PITPNM2: variants seen among roughly 807,000 people sequenced by gnomAD.
PITPNM2 encodes membrane-associated phosphatidylinositol transfer protein 2.
In PITPNM2, 35 loss-of-function variants were observed where a neutral mutation model predicts 132.2. The observed-to-expected ratio is 0.26, with a 90% CI of 0.20 to 0.35. The LOEUF (loss-of-function observed/expected upper bound fraction) is 0.35. Ranked by LOEUF, PITPNM2 falls within the 10% of genes least tolerant of loss-of-function variation. The pLI is 1.00. For synonymous variants in PITPNM2, 738 were observed against 799.2 expected, an observed-to-expected ratio of 0.92 and a Z score of 1.29; for missense variants, 1,332 against 1,912.0, an observed-to-expected ratio of 0.70 and a Z score of 5.66.
Position 122,986,298 on chromosome 12 carries a change from C to A in PITPNM2, c.3779G>T (p.Arg1260Leu). 6.3e-7 allele frequency: 1 copy of A among 1,582,514 alleles called. No homozygotes were observed. The highest frequency in any genetic ancestry group is 8.6e-7 in the Non-Finnish European group (1 of 1,167,758). ...GGCCGTGTTGCGAGCGGGCCGCGCC[C>A]GGTGGCTGTACTTCAGCTGCGCCAG... ...AHLAQLKYSH[R>L]ARPARNTATR... Residue 1260 changes from arginine (R) to leucine (L), a missense_variant, in exon 26 of 26, where the codon CGG becomes CTG. This residue lies in a region of PITPNM2 where 163 missense variants were observed against 177.2 expected (regional missense o/e 0.92). Transcript: ENST00000320201.
intron 2 of PITPNM2, among the ~76,000 whole-genome samples, chr12:123,104,535 C>T (rs2042647702): frequency 6.6e-6 from 1 of 152,160 alleles, no homozygotes. Context: ...GATGACATTA[C>T]CTTGTGAAAG....
At position 123,005,616 on chromosome 12, in the gene PITPNM2, A is replaced by G; in HGVS notation, c.644-68T>C. 6 of 1,496,196 alleles carry G rather than the reference A, an allele frequency of 4.0e-6. No individual in the cohort carries two copies. Among genetic ancestry groups the G allele is most frequent in the Non-Finnish European group, 5.4e-6 (6 of 1,102,370 alleles). 92.7% of individuals were successfully genotyped at this position (1,496,196 alleles called of 1,614,324 possible). ...AGGTCAGCGCAGGAGCCTGCACGGAAGTGTGGGGCCCAGGCAGGGGCTTTG... is the reference window on the plus strand; with the variant it reads ...AGGTCAGCGCAGGAGCCTGCACGGAGGTGTGGGGCCCAGGCAGGGGCTTTG... On this transcript the variant is annotated intron_variant, in intron 6 of 25. Transcript: ENST00000320201. The surrounding 1 kb of genome is among the most constrained non-coding windows in gnomAD (Gnocchi z 6.2).
chr12:123,040,230 T>C (rs530279458), intron 2 of PITPNM2, among the ~76,000 whole-genome samples: 7 of 152,230 alleles, frequency 4.6e-5, no homozygotes, highest in African/African-American at 1.7e-4. Context: ...GGGGCTGGGG[T>C]TGGAGGAAAT....
In PITPNM2 at chr12:123,119,921, T is replaced by C. The variant is rs916794009; in HGVS notation, c.-199-9433A>G. ...GTAGCAATTTTCTTAATGGGAAGCA[T>C]ACGCTTGCCACCCACGTGAGGAGGC... On this transcript the variant is annotated intron_variant, in intron 1 of 25. Transcript: ENST00000320201. 1.3e-5 allele frequency among the ~76,000 whole-genome samples: 2 copies of C among 152,072 alleles called. 1 individual carries two copies. Among genetic ancestry groups the C allele is most frequent in the Middle Eastern group, 6.8e-3 (2 of 294 alleles).
intron 1 of PITPNM2, among the ~76,000 whole-genome samples, chr12:123,133,922 T>C (rs1382590589): frequency 6.6e-6 from 1 of 152,204 alleles, no homozygotes; most frequent in Non-Finnish European, 1.5e-5. Flanking sequence ...CCTCAGGTGA[T>C]ACGCCCACCT....
rs1027293656 is a variant in PITPNM2 at position 123,008,487 on chromosome 12, A to G, written c.643+1363T>C. Among the ~76,000 whole-genome samples the G allele has an allele frequency of 6.6e-6, 1 of 152,152 alleles. No individual in the cohort carries two copies. Among genetic ancestry groups the G allele is most frequent in the African/African-American group, 2.4e-5 (1 of 41,442 alleles). Reference sequence around the variant, plus strand: ...CTGCCCACATGCTCCTCCACTCCTCATATTGCCTGGGAAGTGAGAACCACC... The same window carrying G: ...CTGCCCACATGCTCCTCCACTCCTCGTATTGCCTGGGAAGTGAGAACCACC... On this transcript the variant is annotated intron_variant, in intron 6 of 25. Transcript: ENST00000320201. The surrounding 1 kb of genome is among the most constrained non-coding windows in gnomAD (Gnocchi z 4.1).
rs536989465 is a variant in PITPNM2, at chr12:123,095,738, C to G, written c.-96+14647G>C. 6.6e-6 allele frequency among the ~76,000 whole-genome samples: 1 copy of G among 152,216 alleles called. No individual in the cohort carries two copies. The highest frequency in any genetic ancestry group is 6.5e-5 in the Admixed American group (1 of 15,288). On this transcript the variant is annotated intron_variant, in intron 2 of 25. Transcript: ENST00000320201. The surrounding 1 kb of genome is among the most constrained non-coding windows in gnomAD (Gnocchi z 5.0). ...GGAGCCCATGGGGCTCCTCCTGCCT[C>G]GGGGCCATTGTGAAGGCGGTTCCCT...
At position 122,993,819 on chromosome 12, in the gene PITPNM2, G is replaced by A. The variant is rs543431807; in HGVS notation, c.2233+982C>T. Among the ~76,000 whole-genome samples, 14 of 152,308 alleles carry A rather than the reference G, an allele frequency of 9.2e-5. No individual in the cohort carries two copies. Among genetic ancestry groups the A allele is most frequent in the African/African-American group, 2.4e-4 (10 of 41,568 alleles). On this transcript the variant is annotated intron_variant, in intron 15 of 25. Coordinates refer to ENST00000320201, the MANE Select transcript of PITPNM2 (RefSeq NM_020845.3). This position sits in a 1 kb window ranked among gnomAD's most constrained non-coding sequence, Gnocchi z 5.2. ...TTCTCTTCCTGGCAGTGCTGAAGTCGCCAGTTTATGGAAGGGGAAGGCACT... is the reference window on the plus strand; with the variant it reads ...TTCTCTTCCTGGCAGTGCTGAAGTCACCAGTTTATGGAAGGGGAAGGCACT...
At chr12:123,049,164 A>C (rs1227118587) in intron 2 of PITPNM2, among the ~76,000 whole-genome samples, 5 of 150,386 alleles carry the variant, frequency 3.3e-5, no homozygotes, top group African/African-American at 9.8e-5. Flanking sequence ...ACACACACAC[A>C]CCCCTCCTAC....
chr12:123,143,514 ACT>A (rs955479706), intron 1 of PITPNM2, among the ~76,000 whole-genome samples: 45 of 152,320 alleles, frequency 3.0e-4, no homozygotes, highest in African/African-American at 1.0e-3. Context: ...CAGGCAAAAG[ACT>A]TGGGAAAGCT....
rs560443223 is a variant in PITPNM2 at position 123,113,410 on chromosome 12, C to T, written c.-199-2922G>A. ...GATATAATTCACACACCATAAAACCCGCCCTTTTAGCCAAGTGCCATGGCT... is the reference window on the plus strand; with the variant it reads ...GATATAATTCACACACCATAAAACCTGCCCTTTTAGCCAAGTGCCATGGCT... On this transcript the variant is annotated intron_variant, in intron 1 of 25. Coordinates refer to ENST00000320201, the MANE Select transcript of PITPNM2 (RefSeq NM_020845.3). 7.9e-5 allele frequency among the ~76,000 whole-genome samples: 12 copies of T among 152,258 alleles called. No individual in the cohort carries two copies. The South Asian group carries it at 8.3e-4, about 11-fold the overall frequency.
At chr12:123,145,688 G>C (rs1016088940) in intron 1 of PITPNM2, among the ~76,000 whole-genome samples, 1 of 152,136 alleles carries the variant, frequency 6.6e-6, no homozygotes, top group Non-Finnish European at 1.5e-5. Context: ...TCTCCTTTGT[G>C]TCCTCTAGCA....
intron 2 of PITPNM2, among the ~76,000 whole-genome samples, chr12:123,068,332 T>C (rs1222929238): frequency 4.0e-5 from 6 of 151,816 alleles, no homozygotes; most frequent in Admixed American, 2.6e-4. Context: ...CCGGGTGAGG[T>C]GGCTACTTGG....
At chr12:123,041,116 G>T (rs986700825) in intron 2 of PITPNM2, among the ~76,000 whole-genome samples, 2 of 152,218 alleles carry the variant, frequency 1.3e-5, no homozygotes, top group Admixed American at 1.3e-4. Flanking sequence ...GTGACAGTGG[G>T]CAAATTGCTT....
chr12:123,026,825 T>C (rs1446242251), intron 3 of PITPNM2, among the ~76,000 whole-genome samples: 1 of 152,248 alleles, frequency 6.6e-6, no homozygotes, highest in Admixed American at 6.5e-5. Flanking sequence ...CCATGCTGTA[T>C]CTCTCCAATC....
intron 2 of PITPNM2, among the ~76,000 whole-genome samples, chr12:123,059,335 A>G (rs1259981400): frequency 2.6e-5 from 4 of 152,198 alleles, no homozygotes; most frequent in Non-Finnish European, 5.9e-5. Flanking sequence ...AAGGTCTCGG[A>G]TGTGGGGCAG....
rs577701089 is a variant in PITPNM2, at chr12:123,013,824, G to A, written c.293+4C>T. ...GAGGCACATGGAGGCCAAAGCAGGC[G>A]CACCTGGTTCGGGTGTAGGGGTAGG... On this transcript the variant is annotated splice_donor_region_variant and intron_variant, in intron 4 of 25. Coordinates refer to ENST00000320201, the MANE Select transcript of PITPNM2 (RefSeq NM_020845.3). The A allele has an allele frequency of 3.4e-5, 55 of 1,613,176 alleles. No homozygotes were observed. In the South Asian group the frequency reaches 5.4e-4, roughly 16 times the overall value.
chr12:123,127,095 A>G (rs1422749153), intron 1 of PITPNM2, among the ~76,000 whole-genome samples: 1 of 152,208 alleles, frequency 6.6e-6, no homozygotes, highest in Non-Finnish European at 1.5e-5. Flanking sequence ...CTCAAGTCAC[A>G]TCCATCATCC....
intron 3 of PITPNM2, among the ~76,000 whole-genome samples, chr12:123,015,102 G>A (rs1217472889): frequency 1.3e-5 from 2 of 152,182 alleles, no homozygotes; most frequent in African/African-American, 2.4e-5. Flanking sequence ...TTAAGATGGC[G>A]ACACTGCCCC....
Sources: gnomAD v4.1 joint callset for allele counts (sites outside exome capture counted in the v4.1 genomes callset) on GRCh38, gnomAD v4.1.1 for gene constraint, gnomAD v4.1.1 regional missense constraint, Gnocchi (gnomAD v3.1) non-coding constraint, MANE v1.5 for transcripts, NCBI Gene and HGNC (gene_info 2026-07-23, HGNC 2026-07-21) for gene names.